The following RANBP2 variants were observed in gnomAD, a reference collection of about 807,000 sequenced individuals.
RANBP2 encodes RAN binding protein 2.
RANBP2 carries 57 observed loss-of-function variants against 303.6 expected under a neutral mutation model. The ratio of observed to expected loss-of-function variants is 0.19; its 90% confidence interval spans 0.15 to 0.23. The LOEUF (loss-of-function observed/expected upper bound fraction) is 0.23, where lower values mean the gene tolerates loss of function less well. RANBP2 is among the 10% of genes least tolerant of loss of function. RANBP2 has a pLI of 1.00. For missense variants in RANBP2, 3,138 were observed against 3,780.8 expected (o/e 0.83, Z 4.46); for synonymous variants, 1,167 against 1,301.5 (o/e 0.90, Z 2.23).
chr2:108,966,699 C>T, the RANBP2 span, among the ~76,000 whole-genome samples: 1 of 152,208 alleles, frequency 6.6e-6, no homozygotes, highest in South Asian at 2.1e-4. Flanking sequence ...GCTGTGTTGG[C>T]TCTGCCTGTA....
chr2:109,574,637 T>C, the RANBP2 span: 2 of 1,605,302 alleles, frequency 1.2e-6, no homozygotes, highest in Admixed American at 3.4e-5. Flanking sequence ...GAGTGGCCTG[T>C]CGGTGAAATG....
chr2:108,723,776 C>CT (rs1360112341), intron 1 of RANBP2, among the ~76,000 whole-genome samples: 3 of 152,010 alleles, frequency 2.0e-5, no homozygotes, highest in Non-Finnish European at 4.4e-5. Context: ...TGAATAATTG[C>CT]TTTATTTTTT....
the RANBP2 span, among the ~76,000 whole-genome samples, chr2:109,173,109 G>T: frequency 6.6e-6 from 1 of 152,180 alleles, no homozygotes; most frequent in Admixed American, 6.5e-5. Context: ...TTCAATAAAT[G>T]AACATCTTTT....
At chr2:109,419,846 G>A in the RANBP2 span, among the ~76,000 whole-genome samples, 1 of 152,252 alleles carries the variant, frequency 6.6e-6, no homozygotes, top group Non-Finnish European at 1.5e-5. Flanking sequence ...TTGTTTCTAG[G>A]ACATTTCTTC....
At chr2:108,828,250 A>G in the RANBP2 span, among the ~76,000 whole-genome samples, 1 of 152,312 alleles carries the variant, frequency 6.6e-6, no homozygotes, top group Admixed American at 6.5e-5. Flanking sequence ...ATACGAGAAC[A>G]AGGAAGGTTT....
chr2:109,706,147 T>A, the RANBP2 span, among the ~76,000 whole-genome samples: 2 of 152,236 alleles, frequency 1.3e-5, no homozygotes, highest in Admixed American at 1.3e-4. Flanking sequence ...TGGGGCTTCC[T>A]GTCTGTTCTT....
chr2:109,196,891 C>T, the RANBP2 span, among the ~76,000 whole-genome samples: 3 of 152,264 alleles, frequency 2.0e-5, no homozygotes, highest in South Asian at 2.1e-4. Context: ...TTGAGGACCC[C>T]GGCACATCAT....
At chr2:109,031,834 C>T in the RANBP2 span, among the ~76,000 whole-genome samples, 1 of 152,174 alleles carries the variant, frequency 6.6e-6, no homozygotes, top group Non-Finnish European at 1.5e-5. Context: ...TAAGTATTTT[C>T]TTCAGCAACT....
chr2:109,561,812 G>GCA, the RANBP2 span, among the ~76,000 whole-genome samples: 1 of 152,086 alleles, frequency 6.6e-6, no homozygotes. Context: ...AATCCCATAT[G>GCA]CAAAAATAAT....
the RANBP2 span, among the ~76,000 whole-genome samples, chr2:108,844,565 C>G: frequency 6.6e-6 from 1 of 152,080 alleles, no homozygotes; most frequent in Admixed American, 6.6e-5. Flanking sequence ...TTTCTTCATT[C>G]AGTTTGAAAT....
At chr2:108,876,359 T>C in the RANBP2 span, 1 of 608,196 alleles carries the variant, frequency 1.6e-6, no homozygotes, top group Non-Finnish European at 2.8e-6. Flanking sequence ...TAGCATCATT[T>C]ATCATGAAAA....
chr2:108,724,239 T>C (rs910168854), intron 1 of RANBP2, among the ~76,000 whole-genome samples: 4 of 152,128 alleles, frequency 2.6e-5, no homozygotes, highest in South Asian at 2.1e-4. Flanking sequence ...CTCAGCTCAC[T>C]GCAACTTCCG....
chr2:109,350,277 T>C, the RANBP2 span, among the ~76,000 whole-genome samples: 4 of 152,260 alleles, frequency 2.6e-5, no homozygotes, highest in Admixed American at 2.0e-4. Context: ...CTTGGTTGAA[T>C]TGAGGTCAGA....
the RANBP2 span, among the ~76,000 whole-genome samples, chr2:109,325,331 CTTTTTTTTTTTTTT>C: frequency 3.5e-4 from 23 of 66,274 alleles, no homozygotes; most frequent in Non-Finnish European, 4.8e-4. Flanking sequence ...TTCTTTCTTT[CTTTTTTTTTTTTTT>C]TTTTTTTTTT....
chr2:109,221,522 C>T, the RANBP2 span, among the ~76,000 whole-genome samples: 2 of 144,600 alleles, frequency 1.4e-5, no homozygotes, highest in East Asian at 2.0e-4. Flanking sequence ...GCAGAGGCTG[C>T]GGTAAGCCGC....
the RANBP2 span, among the ~76,000 whole-genome samples, chr2:108,969,769 T>C: frequency 6.6e-6 from 1 of 152,110 alleles, no homozygotes. Context: ...AGCAGCTAGC[T>C]GGAAAGACAG....
chr2:108,800,976 C>A, the RANBP2 span, among the ~76,000 whole-genome samples: 1 of 78,572 alleles, frequency 1.3e-5, no homozygotes, highest in African/African-American at 4.2e-5. Context: ...TTTATGGCTG[C>A]ATAGTATTCC....
At chr2:109,667,098 A>C in the RANBP2 span, 1 of 907,216 alleles carries the variant, frequency 1.1e-6, no homozygotes, top group Non-Finnish European at 1.7e-6. Flanking sequence ...TCATAATCTA[A>C]ATATATCCCA....
chr2:109,552,721 C>CGT, the RANBP2 span: 2 of 192,404 alleles, frequency 1.0e-5, no homozygotes, highest in East Asian at 3.3e-4. Flanking sequence ...CAAAGACAAA[C>CGT]CACCACTGAG....
Sources: allele counts gnomAD v4.1 joint callset (sites outside exome capture counted in the v4.1 genomes callset), GRCh38; gene constraint gnomAD v4.1.1; transcripts MANE v1.5; gene names NCBI Gene and HGNC (gene_info 2026-07-23, HGNC 2026-07-21).